CIMAP3: variants seen among roughly 807,000 people sequenced by gnomAD.
CIMAP3 encodes ciliary microtubule associated protein 3.
chr1:111,351,298 G>C, the CIMAP3 span: 2 of 1,591,352 alleles, frequency 1.3e-6, no homozygotes, highest in Non-Finnish European at 1.7e-6. Flanking sequence ...TCGGAACCGT[G>C]TGGCCTACCT....
At chr1:111,328,098 A>G in the CIMAP3 span, among the ~76,000 whole-genome samples, 2 of 152,120 alleles carry the variant, frequency 1.3e-5, no homozygotes, top group African/African-American at 4.8e-5. Context: ...CCTTAATTTC[A>G]TGATTTACCC....
At chr1:111,350,232 A>G in the CIMAP3 span, 18 of 1,580,942 alleles carry the variant, frequency 1.1e-5, no homozygotes, top group Non-Finnish European at 1.5e-5. Context: ...AGGTAATAAG[A>G]TTGGAACTTC....
the CIMAP3 span, among the ~76,000 whole-genome samples, chr1:111,331,278 T>C: frequency 2.6e-5 from 4 of 152,338 alleles, no homozygotes; most frequent in African/African-American, 9.6e-5. Context: ...TTTTTGATAT[T>C]ATTTCATTTA....
At chr1:111,351,225 G>T in the CIMAP3 span, 2,039 of 1,261,744 alleles carry the variant, frequency 1.6e-3, 26 homozygotes, top group African/African-American at 0.028. Context: ...GTTCTCATTA[G>T]AATATTGATC....
the CIMAP3 span, chr1:111,351,445 G>T: frequency 1.3e-6 from 1 of 797,142 alleles, no homozygotes; most frequent in African/African-American, 1.8e-5. Flanking sequence ...CTGGAGCCCA[G>T]GGAGGGACAG....
the CIMAP3 span, among the ~76,000 whole-genome samples, chr1:111,329,077 A>G: frequency 6.6e-6 from 1 of 152,232 alleles, no homozygotes; most frequent in East Asian, 1.9e-4. Flanking sequence ...TTATCTAAAA[A>G]GGATCTTATT....
At chr1:111,347,525 GAAT>G in the CIMAP3 span, 1 of 587,844 alleles carries the variant, frequency 1.7e-6, no homozygotes, top group African/African-American at 1.9e-5. Context: ...AGACAATAAA[GAAT>G]AATCCCTTGC....
the CIMAP3 span, among the ~76,000 whole-genome samples, chr1:111,343,466 T>C: frequency 6.6e-6 from 1 of 152,192 alleles, no homozygotes; most frequent in Admixed American, 6.5e-5. Flanking sequence ...ATGTGCATGA[T>C]GGAAACTACT....
chr1:111,334,509 G>A, the CIMAP3 span, among the ~76,000 whole-genome samples: 4 of 152,180 alleles, frequency 2.6e-5, no homozygotes, highest in African/African-American at 9.7e-5. Flanking sequence ...AGAAAGAGAA[G>A]CAGACAGGGA....
chr1:111,340,948 G>A, the CIMAP3 span, among the ~76,000 whole-genome samples: 1 of 151,784 alleles, frequency 6.6e-6, no homozygotes, highest in African/African-American at 2.4e-5. Context: ...CAAAGACTTG[G>A]AACCAACCCA....
the CIMAP3 span, chr1:111,346,764 G>A: frequency 4.5e-6 from 7 of 1,551,248 alleles, no homozygotes; most frequent in South Asian, 4.5e-5. Flanking sequence ...AGTGCAGTTC[G>A]CCCCCCTCCA....
At chr1:111,341,454 G>T in the CIMAP3 span, among the ~76,000 whole-genome samples, 4 of 152,064 alleles carry the variant, frequency 2.6e-5, no homozygotes, top group African/African-American at 9.7e-5. Flanking sequence ...AGGAGAGGTA[G>T]CAAAAAAGAG....
chr1:111,347,103 A>G, the CIMAP3 span: 7 of 1,516,806 alleles, frequency 4.6e-6, no homozygotes, highest in African/African-American at 1.4e-5. Context: ...ATTGAGGGAT[A>G]GCCAAGTTTC....
chr1:111,339,313 C>G, the CIMAP3 span, among the ~76,000 whole-genome samples: 1 of 150,096 alleles, frequency 6.7e-6, no homozygotes, highest in Non-Finnish European at 1.5e-5. Flanking sequence ...GATGCCCTCT[C>G]TCACCACTCC....
At chr1:111,325,908 C>T in the CIMAP3 span, among the ~76,000 whole-genome samples, 2 of 152,092 alleles carry the variant, frequency 1.3e-5, no homozygotes, top group African/African-American at 2.4e-5. Flanking sequence ...CCAGATTTAC[C>T]AATTTCTGAT....
chr1:111,337,663 G>A, the CIMAP3 span, among the ~76,000 whole-genome samples: 2 of 152,204 alleles, frequency 1.3e-5, no homozygotes, highest in Admixed American at 1.3e-4. Context: ...AAATACATAT[G>A]CACCCAATAC....
the CIMAP3 span, chr1:111,348,741 C>A: frequency 8.1e-7 from 1 of 1,237,116 alleles, no homozygotes; most frequent in Non-Finnish European, 1.1e-6. Flanking sequence ...GGGATGACAT[C>A]CAAACCATCG....
the CIMAP3 span, among the ~76,000 whole-genome samples, chr1:111,328,426 C>T: frequency 6.6e-6 from 1 of 152,156 alleles, no homozygotes; most frequent in East Asian, 1.9e-4. Context: ...CCTCAGTGAT[C>T]TGTCTAATAC....
At chr1:111,329,966 A>C in the CIMAP3 span, among the ~76,000 whole-genome samples, 1 of 151,746 alleles carries the variant, frequency 6.6e-6, no homozygotes, top group Non-Finnish European at 1.5e-5. Flanking sequence ...TTCTTTCCTC[A>C]GCTTGGTTTA....
Sources: allele counts gnomAD v4.1 joint callset (sites outside exome capture counted in the v4.1 genomes callset), GRCh38; gene constraint gnomAD v4.1.1; transcripts MANE v1.5; gene names NCBI Gene and HGNC (gene_info 2026-07-23, HGNC 2026-07-21).